The following MBNL2 variants were observed in gnomAD, a reference collection of about 807,000 sequenced individuals.
MBNL2 encodes the protein muscleblind like splicing regulator 2.
Under a neutral mutation model 41.9 loss-of-function variants are expected in MBNL2, and 17 were observed. The ratio of observed to expected loss-of-function variants is 0.41; its 90% CI spans 0.28 to 0.61. The LOEUF is 0.61. Among genes scored for constraint, MBNL2 ranks in the 20% least tolerant of loss-of-function variants. MBNL2 has a pLI of 0.35. For missense variants in MBNL2, 336 were observed against 505.6 expected (o/e 0.66, Z 3.22); for synonymous variants, 195 against 182.9 (o/e 1.07, Z -0.53).
intron 1 of MBNL2, among the ~76,000 whole-genome samples, 151 bp from the exon 2 acceptor site, chr13:97,275,476 CTTTTT>C (rs1181830986): frequency 6.6e-6 from 1 of 152,024 alleles, no homozygotes; most frequent in East Asian, 1.9e-4. Flanking sequence ...GTTGCATATT[CTTTTT>C]TTTATTTAAT....
the MBNL2 span, among the ~76,000 whole-genome samples, chr13:97,193,125 G>T: frequency 1.3e-5 from 2 of 152,226 alleles, no homozygotes; most frequent in African/African-American, 2.4e-5. Flanking sequence ...CTGGTGCAAA[G>T]GGTCAGACTT....
intron 1 of MBNL2, among the ~76,000 whole-genome samples, chr13:97,243,403 C>T (rs114639019): frequency 5.1e-4 from 78 of 152,166 alleles, no homozygotes; most frequent in African/African-American, 1.8e-3. Context: ...GGTACAGCAG[C>T]AGCAAGGTCA....
intron 1 of MBNL2, among the ~76,000 whole-genome samples, chr13:97,228,836 CT>C (rs2152775776): frequency 6.6e-6 from 1 of 152,096 alleles, no homozygotes; most frequent in East Asian, 1.9e-4. Flanking sequence ...GGCCTATTAT[CT>C]CTTTTAATGG....
intron 1 of MBNL2, among the ~76,000 whole-genome samples, chr13:97,245,653 G>T (rs1051871557): frequency 6.6e-6 from 1 of 152,126 alleles, no homozygotes; most frequent in Non-Finnish European, 1.5e-5. Context: ...CTACTAAGTT[G>T]GAGGAATAAA....
intron 1 of MBNL2, among the ~76,000 whole-genome samples, chr13:97,271,195 A>C (rs2050909828): frequency 6.8e-6 from 1 of 146,892 alleles, no homozygotes; most frequent in Non-Finnish European, 1.5e-5. Flanking sequence ...AGCTCACTGC[A>C]ATCTCCACCT....
chr13:97,281,710 T>C (rs2053467309), intron 2 of MBNL2, among the ~76,000 whole-genome samples: 1 of 152,258 alleles, frequency 6.6e-6, no homozygotes, highest in African/African-American at 2.4e-5. Context: ...CTCAGACAAA[T>C]TGTTTATTAT....
rs1350488156 is a variant in MBNL2, at chr13:97,366,920, G to C, written c.1048+1749G>C. Among the ~76,000 whole-genome samples, 1 of 152,038 alleles carries C rather than the reference G, an allele frequency of 6.6e-6. No homozygotes were observed. Reference sequence around the variant, plus strand: ...TCAAAACTGGCTATATTTTAATTCGGTTCATTCAGACCCTATCATCTGTGT... The same window carrying C: ...TCAAAACTGGCTATATTTTAATTCGCTTCATTCAGACCCTATCATCTGTGT... On this transcript the variant is annotated intron_variant, in intron 8 of 8. Coordinates refer to ENST00000679496, the MANE Select transcript of MBNL2 (RefSeq NM_001382683.1). This position sits in a 1 kb window ranked among gnomAD's most constrained non-coding sequence, Gnocchi z 4.7.
chr13:97,266,438 A>G (rs1008967119), intron 1 of MBNL2, among the ~76,000 whole-genome samples: 14 of 152,182 alleles, frequency 9.2e-5, no homozygotes, highest in African/African-American at 7.2e-5. Flanking sequence ...TGAGCTTCCT[A>G]TGGGCAGGCC....
the MBNL2 span, among the ~76,000 whole-genome samples, chr13:97,143,516 C>G: frequency 6.6e-6 from 1 of 152,206 alleles, no homozygotes; most frequent in Non-Finnish European, 1.5e-5. Flanking sequence ...GATAGGTTTG[C>G]TGGCTTCTGG....
chr13:97,335,692 C>T (rs1020944022), intron 3 of MBNL2, among the ~76,000 whole-genome samples: 13 of 152,094 alleles, frequency 8.5e-5, no homozygotes, highest in Admixed American at 7.2e-4. Context: ...CAGGAAATGA[C>T]GAGACTGGAC....
At chr13:97,259,958 A>G (rs1161676174) in intron 1 of MBNL2, among the ~76,000 whole-genome samples, 1 of 152,234 alleles carries the variant, frequency 6.6e-6, no homozygotes, top group Non-Finnish European at 1.5e-5. Flanking sequence ...CTAAAGTTAA[A>G]TGTTGCCCTA....
intron 5 of MBNL2, among the ~76,000 whole-genome samples, chr13:97,354,800 A>G (rs1051713827): frequency 1.3e-5 from 2 of 152,250 alleles, no homozygotes; most frequent in African/African-American, 4.8e-5. Flanking sequence ...GTCAGAAAAG[A>G]TCAACCCATT....
chr13:97,328,819 CT>C (rs1566419900), intron 2 of MBNL2, among the ~76,000 whole-genome samples: 1 of 152,026 alleles, frequency 6.6e-6, no homozygotes, highest in South Asian at 2.1e-4. Flanking sequence ...TCTATGTTTT[CT>C]TTTTTGTGCC....
At chr13:97,386,970 C>A (rs1394959115) in intron 8 of MBNL2, among the ~76,000 whole-genome samples, 1 of 151,794 alleles carries the variant, frequency 6.6e-6, no homozygotes, top group Non-Finnish European at 1.5e-5. Context: ...TGTATCTTTG[C>A]CTTAAAAACA....
intron 1 of MBNL2, among the ~76,000 whole-genome samples, chr13:97,251,723 A>G (rs575672774): frequency 6.6e-6 from 1 of 151,226 alleles, no homozygotes; most frequent in Non-Finnish European, 1.5e-5. Flanking sequence ...GAGCAAGTTG[A>G]GTTTATAAAT....
chr13:97,195,015 C>CT, the MBNL2 span, among the ~76,000 whole-genome samples: 3 of 151,984 alleles, frequency 2.0e-5, no homozygotes, highest in African/African-American at 4.8e-5. Context: ...AGTGGCCATT[C>CT]TTTTTTTTCT....
intron 5 of MBNL2, among the ~76,000 whole-genome samples, chr13:97,349,886 A>AAG (rs1229343122): frequency 6.6e-6 from 1 of 152,114 alleles, no homozygotes; most frequent in Admixed American, 6.5e-5. Context: ...ATCTTTTGAC[A>AAG]AGAGAGAGAA....
intron 1 of MBNL2, among the ~76,000 whole-genome samples, chr13:97,266,913 G>A (rs561524411): frequency 3.0e-4 from 45 of 152,250 alleles, no homozygotes; most frequent in African/African-American, 9.9e-4. Context: ...GGCTTGTTTT[G>A]CAAAGATCCT....
intron 1 of MBNL2, among the ~76,000 whole-genome samples, chr13:97,274,367 G>A (rs984621692): frequency 6.6e-6 from 1 of 152,012 alleles, no homozygotes; most frequent in Non-Finnish European, 1.5e-5. Flanking sequence ...CGTGGTGTCA[G>A]ACACCTGTAG....
Sources: gnomAD v4.1 joint callset for allele counts (sites outside exome capture counted in the v4.1 genomes callset) on GRCh38, gnomAD v4.1.1 for gene constraint, Gnocchi (gnomAD v3.1) non-coding constraint, MANE v1.5 for transcripts, NCBI Gene and HGNC (gene_info 2026-07-23, HGNC 2026-07-21) for gene names.